The following EML6 variants were observed in gnomAD, a reference collection of about 807,000 sequenced individuals.
EML6 encodes the protein echinoderm microtubule-associated protein-like 6.
In EML6, 154 loss-of-function variants were observed where a neutral mutation model predicts 240.1. The observed-to-expected ratio is 0.64, with a 90% CI of 0.56 to 0.73. The LOEUF is 0.73. Among genes scored for constraint, EML6 ranks in the 30% least tolerant of loss-of-function variants. The pLI is 0.00. For synonymous variants in EML6, 1,148 were observed against 899.0 expected (o/e 1.28, Z -4.95); for missense variants, 2,964 against 2,474.6 (o/e 1.20, Z -4.20).
At chr2:54,890,366 A>AAT (rs1382455767) in intron 17 of EML6, among the ~76,000 whole-genome samples, 1 of 152,100 alleles carries the variant, frequency 6.6e-6, no homozygotes, top group Non-Finnish European at 1.5e-5. Flanking sequence ...ATTATGTCCT[A>AAT]ATATATCAAA....
In EML6 at chr2:54,813,289, A is replaced by C. The variant is rs2631840; in HGVS notation, c.255A>C (p.Pro85=). The change falls in exon 3 of 42, where the codon CCA becomes CCC. Residue 85 remains proline (P), a synonymous_variant. Transcript: ENST00000356458. Reference sequence around the variant, plus strand: ...CAACTGGCCAAGTCGGGAAGGAGCCATATATATGCATATGGGATTCCTATA... The same window carrying C: ...CAACTGGCCAAGTCGGGAAGGAGCCCTATATATGCATATGGGATTCCTATA... ...LVATGQVGKE[P]YICIWDSYNV... is the part of the protein sequence containing the mutation. 7.7e-6 allele frequency: 12 copies of C among 1,550,200 alleles called. No homozygotes were observed. Among genetic ancestry groups the C allele is most frequent in the Admixed American group, 2.0e-5 (1 of 50,996 alleles).
At chr2:54,888,222 G>A (rs749436192) in intron 17 of EML6, among the ~76,000 whole-genome samples, 17 of 152,186 alleles carry the variant, frequency 1.1e-4, no homozygotes, top group Non-Finnish European at 1.9e-4. Context: ...TTATAATGCA[G>A]TGTGGCCGGG....
intron 11 of EML6, among the ~76,000 whole-genome samples, chr2:54,859,122 CTA>C (rs1328162171): frequency 6.6e-6 from 1 of 152,216 alleles, no homozygotes; most frequent in African/African-American, 2.4e-5. Context: ...TCTCCAAACT[CTA>C]TGTCTACGTG....
At chr2:54,796,430 T>C (rs1669776133) in intron 2 of EML6, among the ~76,000 whole-genome samples, 1 of 152,230 alleles carries the variant, frequency 6.6e-6, no homozygotes, top group South Asian at 2.1e-4. Context: ...ATCACATTTA[T>C]ATAACCTGTG....
At chr2:54,835,602 T>C (rs907834603) in intron 7 of EML6, among the ~76,000 whole-genome samples, 7 of 152,150 alleles carry the variant, frequency 4.6e-5, no homozygotes, top group African/African-American at 1.4e-4. Context: ...TAGGATAGGA[T>C]CAGAGGTAGG....
At chr2:54,726,479 G>A (rs1038424303) in intron 2 of EML6, among the ~76,000 whole-genome samples, 1 of 150,842 alleles carries the variant, frequency 6.6e-6, no homozygotes, top group Non-Finnish European at 1.5e-5. Flanking sequence ...TTGAAAAATT[G>A]TTACAGAAGG....
intron 28 of EML6, among the ~76,000 whole-genome samples, chr2:54,944,182 C>T (rs1324623217): frequency 1.3e-5 from 2 of 152,140 alleles, no homozygotes; most frequent in Non-Finnish European, 2.9e-5. Flanking sequence ...ATGTCACTGA[C>T]TCCCATCTCT....
At chr2:54,825,577 A>G (rs1429130401) in intron 5 of EML6, among the ~76,000 whole-genome samples, 1 of 152,110 alleles carries the variant, frequency 6.6e-6, no homozygotes, top group Non-Finnish European at 1.5e-5. Context: ...TATTATTTCA[A>G]CATATACTTC....
chr2:54,963,245 T>G (rs894374385), intron 36 of EML6, among the ~76,000 whole-genome samples: 1 of 152,230 alleles, frequency 6.6e-6, no homozygotes, highest in African/African-American at 2.4e-5. Context: ...AAATGGCTGG[T>G]AAGTGTTTGT....
At chr2:54,929,930 G>A (rs1433584645) in intron 28 of EML6, among the ~76,000 whole-genome samples, 3 of 152,018 alleles carry the variant, frequency 2.0e-5, no homozygotes, top group Admixed American at 6.6e-5. Flanking sequence ...CTTGCAACAT[G>A]GTTTTAAAGT....
chr2:54,738,760 G>T (rs1173952523), intron 2 of EML6, among the ~76,000 whole-genome samples: 3 of 152,202 alleles, frequency 2.0e-5, no homozygotes, highest in African/African-American at 7.2e-5. Flanking sequence ...ATTTTTTGTT[G>T]TGTGGAAATA....
At chr2:54,917,891 G>C (rs1291358597) in intron 26 of EML6, among the ~76,000 whole-genome samples, 1 of 152,140 alleles carries the variant, frequency 6.6e-6, no homozygotes, top group African/African-American at 2.4e-5. Context: ...GTCTAGTCTA[G>C]AACTGTATTC....
At chr2:54,949,775 C>T (rs1477311220) in intron 29 of EML6, among the ~76,000 whole-genome samples, 1 of 152,208 alleles carries the variant, frequency 6.6e-6, no homozygotes, top group African/African-American at 2.4e-5. Context: ...TGATTTTTCA[C>T]CACAGTGCAA....
chr2:54,839,627 T>G (rs1669335146), intron 7 of EML6, among the ~76,000 whole-genome samples: 2 of 152,236 alleles, frequency 1.3e-5, no homozygotes, highest in Admixed American at 6.5e-5. Context: ...TTACGTTGGT[T>G]AGTTCAGTGG....
At chr2:54,901,067 G>T (rs558690942) in intron 22 of EML6, among the ~76,000 whole-genome samples, 2 of 152,204 alleles carry the variant, frequency 1.3e-5, no homozygotes, top group African/African-American at 4.8e-5. Context: ...AATAGTGATG[G>T]TGGCTAATAT....
In EML6 at chr2:54,774,627, C is replaced by G. The variant is rs1026430024; in HGVS notation, c.198-38605C>G. Reference sequence around the variant, plus strand: ...CATAGAGGTCCTTTTGCAAGAGGACCTGGCTTATGGTAAGCATCCAATCTA... The same window carrying G: ...CATAGAGGTCCTTTTGCAAGAGGACGTGGCTTATGGTAAGCATCCAATCTA... On this transcript the variant is annotated intron_variant, in intron 2 of 41. Transcript: ENST00000356458. The surrounding 1 kb of genome is among the most constrained non-coding windows in gnomAD (Gnocchi z 4.1). 3.3e-5 allele frequency among the ~76,000 whole-genome samples: 5 copies of G among 152,214 alleles called. No homozygotes were observed. The highest frequency in any genetic ancestry group is 3.3e-4 in the Admixed American group (5 of 15,282).
chr2:54,844,672 T>C (rs1669653073), intron 8 of EML6, among the ~76,000 whole-genome samples: 1 of 152,242 alleles, frequency 6.6e-6, no homozygotes, highest in South Asian at 2.1e-4. Flanking sequence ...AAATTGTCTT[T>C]AGCACATGAA....
intron 12 of EML6, among the ~76,000 whole-genome samples, chr2:54,860,930 C>T (rs541852210): frequency 6.6e-6 from 1 of 152,176 alleles, no homozygotes; most frequent in Admixed American, 6.5e-5. Context: ...TAGGAATATT[C>T]TAGTCTTCCT....
chr2:54,820,297 T>C, intron 4 of EML6, 97 bp from the exon 5 acceptor site: 1 of 717,018 alleles, frequency 1.4e-6, no homozygotes, highest in Non-Finnish European at 2.4e-6. Flanking sequence ...CATTGTGTTC[T>C]AAATGTTATA....
Sources: gnomAD v4.1 joint callset for allele counts (sites outside exome capture counted in the v4.1 genomes callset) on GRCh38, gnomAD v4.1.1 for gene constraint, Gnocchi (gnomAD v3.1) non-coding constraint, MANE v1.5 for transcripts, NCBI Gene and HGNC (gene_info 2026-07-23, HGNC 2026-07-21) for gene names.